The following TNXB variants were observed in gnomAD, a reference collection of about 807,000 sequenced individuals.
The protein encoded by TNXB is tenascin-X.
In TNXB, 183 loss-of-function variants were observed where a neutral mutation model predicts 340.5. The ratio of observed to expected loss-of-function variants is 0.54; its 90% CI spans 0.48 to 0.61. TNXB has a LOEUF of 0.61. Among genes scored for constraint, TNXB ranks in the 20% least tolerant of loss-of-function variants. The probability of loss-of-function intolerance (pLI) is 0.00; values close to 1 mark genes in which losing one functional copy is unlikely to be tolerated. For missense variants in TNXB, 4,613 were observed against 5,446.4 expected, an observed-to-expected ratio of 0.85 and a Z score of 4.82; for synonymous variants, 2,121 against 2,314.5, an observed-to-expected ratio of 0.92 and a Z score of 2.40.
Position 32,070,181 on chromosome 6 carries a change from A to G in TNXB, c.5224T>C (p.Tyr1742His). 6.2e-7 allele frequency: 1 copy of G among 1,609,716 alleles called. No homozygotes were observed. Among genetic ancestry groups the G allele is most frequent in the South Asian group, 1.1e-5 (1 of 90,518 alleles). ...TGGCGCTTCTTGCCCAGGAGGCCAT[A>G]GAGGAGGAATCTGTACTTGCGGCCG... ...DAGRKYRFLL[Y>H]GLLGKKRHGP... Residue 1742 changes from tyrosine to histidine, a missense_variant, in exon 14 of 44, where the codon TAT becomes CAT. By Grantham distance (83) the Tyr-to-His change is moderately conservative. Coordinates refer to ENST00000644971, the MANE Select transcript of TNXB (RefSeq NM_001365276.2). This position sits in a 1 kb window ranked among gnomAD's most constrained non-coding sequence, Gnocchi z 6.0.
In TNXB at chr6:32,042,317, A is replaced by G. The variant is rs1776475779; in HGVS notation, c.12256T>C (p.Trp4086Arg). The G allele has an allele frequency of 6.6e-7, 1 of 1,512,038 alleles. No homozygotes were observed. Among genetic ancestry groups the G allele is most frequent in the East Asian group, 2.3e-5 (1 of 43,496 alleles). 93.7% of individuals were successfully genotyped at this position (1,512,038 alleles called of 1,614,324 possible). A position where few individuals can be genotyped will look rare whatever the true frequency, so the allele number is the denominator to read the frequency against. The change falls in exon 41 of 44, where the codon TGG (tryptophan) becomes CGG (arginine). Residue 4086 changes from tryptophan (W) to arginine (R), a missense_variant. This residue lies in a region of TNXB where 121 missense variants were observed against 177.4 expected (regional missense o/e 0.68). Transcript: ENST00000644971. The stretch of plus-strand genomic sequence containing the variant: ...CCAAAACCATGGGCATAGTCCTCCC[A>G]GTCCCTCCAGAAGTCTGTCTGTCCA... ...MDGQTDFWRD[W>R]EDYAHGFGNI...
rs759175756 is a variant in TNXB at position 32,095,663 on chromosome 6, G to A, written c.2190C>T (p.His730=). 4 of 1,614,012 alleles carry A rather than the reference G, an allele frequency of 2.5e-6. No homozygotes were observed. Among genetic ancestry groups the A allele is most frequent in the South Asian group, 1.1e-5 (1 of 91,084 alleles). Residue 730 remains histidine, a synonymous_variant, in exon 3 of 44, where the codon CAC becomes CAT. Coordinates refer to ENST00000644971, the MANE Select transcript of TNXB (RefSeq NM_001365276.2). ...CATCTTTGCAGACACAGCTGCCATC[G>A]TGACACTCTCCTCGGCCACGGCAGT... ...PGDCRGRGEC[H]DGSCVCKDGY...
chr6:32,058,377 A>T lies in TNXB; in HGVS notation c.7506T>A (p.Asp2502Glu). Residue 2502 changes from aspartate to glutamate, a missense_variant, in exon 22 of 44, where the codon GAT becomes GAA. Physicochemically the swap from Asp to Glu is conservative, Grantham distance 45. This residue lies in a region of TNXB where 4,327 missense variants were observed against 4,859.4 expected (regional missense o/e 0.89). Coordinates refer to ENST00000644971, the MANE Select transcript of TNXB (RefSeq NM_001365276.2). This position sits in a 1 kb window ranked among gnomAD's most constrained non-coding sequence, Gnocchi z 5.1. The part of the protein sequence containing the change: ...STVGVTAPQE[D>E]VDETPSPTEP... ...CTGTAGGGCTGGGGGTCTCGTCCACATCCTCTTGTGGGGCTGAAAGGTAAT... is the reference window on the plus strand; with the variant it reads ...CTGTAGGGCTGGGGGTCTCGTCCACTTCCTCTTGTGGGGCTGAAAGGTAAT... The T allele has an allele frequency of 6.2e-7, 1 of 1,605,142 alleles. No homozygotes were observed. The highest frequency in any genetic ancestry group is 8.5e-7 in the Non-Finnish European group (1 of 1,176,082).
At position 32,082,100 on chromosome 6, in the gene TNXB, TCTGTA is replaced by T; in HGVS notation, c.3667_3671del (p.Tyr1223IlefsTer33). 1.2e-6 allele frequency: 2 copies of T among 1,610,800 alleles called. No homozygotes were observed. The highest frequency in any genetic ancestry group is 1.7e-6 in the Non-Finnish European group (2 of 1,178,802). ...TGTTCGCAATTCCAAACAGAGTGAA[TCTGTA>T]CTTGTGGTCAGGGTCCAGTGAGGAG... On this transcript the variant is annotated frameshift_variant, in exon 9 of 44. Transcript: ENST00000644971. LOFTEE classifies it high-confidence loss of function. This position sits in a 1 kb window ranked among gnomAD's most constrained non-coding sequence, Gnocchi z 5.0.
rs146399029 is a variant in TNXB, at chr6:32,082,080, G to A, written c.3692C>T (p.Ala1231Val). The A allele has an allele frequency of 8.1e-6, 13 of 1,608,896 alleles. No homozygotes were observed. Among genetic ancestry groups the A allele is most frequent in the East Asian group, 2.2e-5 (1 of 44,774 alleles). Residue 1231 changes from alanine to valine, a missense_variant, in exon 9 of 44, where the codon GCG becomes GTG. This residue lies in a region of TNXB where 4,327 missense variants were observed against 4,859.4 expected (regional missense o/e 0.89). Coordinates refer to ENST00000644971, the MANE Select transcript of TNXB (RefSeq NM_001365276.2). The surrounding 1 kb of genome is among the most constrained non-coding windows in gnomAD (Gnocchi z 5.0). ...GAGGGGGCCATACCGCTTCTTGTTC[G>A]CAATTCCAAACAGAGTGAATCTGTA... ...HKYRFTLFGIANKKRYGPLTA... is the reference protein window; with the variant it reads ...HKYRFTLFGIVNKKRYGPLTA...
In TNXB at chr6:32,047,354, A is replaced by G. The variant is rs1010317661; in HGVS notation, c.10324+380T>C. Among the ~76,000 whole-genome samples the G allele has an allele frequency of 5.3e-5, 8 of 152,066 alleles. No homozygotes were observed. Among genetic ancestry groups the G allele is most frequent in the African/African-American group, 1.7e-4 (7 of 41,408 alleles). On this transcript the variant is annotated intron_variant, in intron 30 of 43. Transcript: ENST00000644971. This position sits in a 1 kb window ranked among gnomAD's most constrained non-coding sequence, Gnocchi z 6.2. ...CCTTTTCTTCCACCCCTCGGCTCCG[A>G]GTCAGGGAGGAGGGAGGAGGATGGG...
rs1039341019 is a variant in TNXB at position 32,073,349 on chromosome 6, C to T, written c.4681+298G>A. On this transcript the variant is annotated intron_variant, in intron 12 of 43. Transcript: ENST00000644971. The surrounding 1 kb of genome is among the most constrained non-coding windows in gnomAD (Gnocchi z 4.6). ...AGGGGTGGAAACAGCTGTGGGCAGTCGGAGAGGGGGAGAGAAAGTCTGTGG... is the reference window on the plus strand; with the variant it reads ...AGGGGTGGAAACAGCTGTGGGCAGTTGGAGAGGGGGAGAGAAAGTCTGTGG... Among the ~76,000 whole-genome samples the T allele has an allele frequency of 2.6e-5, 4 of 152,008 alleles. No individual in the cohort carries two copies. The highest frequency in any genetic ancestry group is 7.3e-5 in the African/African-American group (3 of 41,356).
chr6:32,088,160 C>T (rs373379731), intron 6 of TNXB, among the ~76,000 whole-genome samples: 5 of 152,140 alleles, frequency 3.3e-5, no homozygotes, highest in South Asian at 2.1e-4. Flanking sequence ...GTCCCGCAGC[C>T]CCCCCATTCC....
intron 24 of TNXB, among the ~76,000 whole-genome samples, chr6:32,054,239 C>T (rs557082497): frequency 1.3e-5 from 2 of 152,274 alleles, no homozygotes; most frequent in South Asian, 4.1e-4. Flanking sequence ...CCAGGGCCAC[C>T]AACTGCCTAC....
Position 32,098,088 on chromosome 6 carries a change from G to A in TNXB, c.111C>T (p.Pro37=), listed in dbSNP as rs192521610. 6 of 1,604,510 alleles carry A rather than the reference G, an allele frequency of 3.7e-6. No individual in the cohort carries two copies. In the African/African-American group the frequency reaches 8.0e-5, roughly 21 times the overall value. Reference sequence around the variant, plus strand: ...GGCCCCCTGGCTGGGGAGGGGGCCGGGGGGCTGGCAGTGTCACATTGGACC... The same window carrying A: ...GGCCCCCTGGCTGGGGAGGGGGCCGAGGGGCTGGCAGTGTCACATTGGACC... ...SSRSNVTLPA[P]RPPPQPGGHT... The change falls in exon 2 of 44, where the codon CCC becomes CCT. Residue 37 remains proline, a synonymous_variant. Coordinates refer to ENST00000644971, the MANE Select transcript of TNXB (RefSeq NM_001365276.2).
In TNXB at chr6:32,095,072, T is replaced by G. The variant is rs1780253841; in HGVS notation, c.2358+4A>C. On this transcript the variant is annotated splice_donor_region_variant and intron_variant, in intron 4 of 43. Transcript: ENST00000644971. ...CCCCTCCTGGAGCCTGGCATCTCTC[T>G]CACCGTGGGGATGAACTGAATTTCA... 1 of 1,547,468 alleles carries G rather than the reference T, an allele frequency of 6.5e-7. No homozygotes were observed.
intron 4 of TNXB, 57 bp downstream of exon 4, chr6:32,095,019 C>T: frequency 1.4e-6 from 2 of 1,414,842 alleles, no homozygotes; most frequent in African/African-American, 2.8e-5. Flanking sequence ...AGGAGGTGAG[C>T]CCTGCCCCCC....
At position 32,090,113 on chromosome 6, in the gene TNXB, C is replaced by T. The variant is rs546004951; in HGVS notation, c.2359-734G>A. Among the ~76,000 whole-genome samples the T allele has an allele frequency of 8.3e-4, 126 of 152,270 alleles. 1 individual carries two copies. The highest frequency in any genetic ancestry group is 6.8e-3 in the Middle Eastern group (2 of 294). On this transcript the variant is annotated intron_variant, in intron 4 of 43. Transcript: ENST00000644971. This position sits in a 1 kb window ranked among gnomAD's most constrained non-coding sequence, Gnocchi z 4.3. The stretch of plus-strand genomic sequence containing the variant: ...AACAAGAACCACCTGCTCAAAGTTC[C>T]ACAAATATGTTTCCTGATTGTTGAT...
chr6:32,059,739 A>G (rs1777898806), intron 21 of TNXB, among the ~76,000 whole-genome samples: 1 of 152,008 alleles, frequency 6.6e-6, no homozygotes, highest in African/African-American at 2.4e-5. Flanking sequence ...CTCCCCCAGG[A>G]ATCGGGGATG....
Position 32,056,082 on chromosome 6 carries a change from C to A in TNXB, c.8236G>T (p.Gly2746Ter), listed in dbSNP as rs766635580. 8.7e-6 allele frequency: 14 copies of A among 1,612,670 alleles called. No homozygotes were observed. Among genetic ancestry groups the A allele is most frequent in the Non-Finnish European group, 1.2e-5 (14 of 1,179,872 alleles). Residue 2746 changes from glycine (G) to a stop codon, truncating the protein, a stop_gained, in exon 24 of 44, where the codon GGA (glycine) becomes TGA (stop). Transcript: ENST00000644971. LOFTEE classifies it high-confidence loss of function. ...AGGCTCAGCGAGTCAGGGGAGGATC[C>A]TGTCACTGTCAGCTCCCCCAGGAGC... is the stretch of plus-strand genomic sequence containing the variant. ...EPLLGELTVT[G>*]SSPDSLSLSW...
chr6:32,065,297 C>T (rs1013461366), intron 18 of TNXB, among the ~76,000 whole-genome samples, 180 bp from the exon 19 acceptor site: 1 of 152,118 alleles, frequency 6.6e-6, no homozygotes, highest in Non-Finnish European at 1.5e-5. Context: ...GCCAGGCAGC[C>T]TCCTACCTCA....
At position 32,058,093 on chromosome 6, in the gene TNXB, C is replaced by A; in HGVS notation, c.7790G>T (p.Arg2597Leu). The change falls in exon 22 of 44, where the codon CGG becomes CTG. Residue 2597 changes from arginine to leucine, a missense_variant. This residue lies in a region of TNXB where 4,327 missense variants were observed against 4,859.4 expected (regional missense o/e 0.89). Transcript: ENST00000644971. The surrounding 1 kb of genome is among the most constrained non-coding windows in gnomAD (Gnocchi z 5.1). ...CACGGCAGACACCGGGCCCAGGCGC[C>A]GCCCCTCGTGGAGGCCGTACAGGTG... ...KMHLYGLHEGRRLGPVSAVGV... is the reference protein window; with the variant it reads ...KMHLYGLHEGLRLGPVSAVGV... 6.2e-7 allele frequency: 1 copy of A among 1,611,316 alleles called. No individual in the cohort carries two copies.
chr6:32,062,735 T>G lies in TNXB; in HGVS notation c.6842-252A>C, dbSNP rs1275653344. 1.3e-5 allele frequency among the ~76,000 whole-genome samples: 2 copies of G among 152,216 alleles called. No individual in the cohort carries two copies. Among genetic ancestry groups the G allele is most frequent in the African/African-American group, 4.8e-5 (2 of 41,452 alleles). On this transcript the variant is annotated intron_variant, in intron 19 of 43. Transcript: ENST00000644971. This position sits in a 1 kb window ranked among gnomAD's most constrained non-coding sequence, Gnocchi z 4.3. ...TAGGAGCTGCCAAGCAAATTTGTTT[T>G]GCAGGACAGAATTGATGCTTTATAA... is the stretch of plus-strand genomic sequence containing the variant.
Position 32,049,604 on chromosome 6 carries a change from G to A in TNXB, c.9440-17C>T. 1 of 1,605,060 alleles carries A rather than the reference G, an allele frequency of 6.2e-7. No homozygotes were observed. The highest frequency in any genetic ancestry group is 8.5e-7 in the Non-Finnish European group (1 of 1,174,644). On this transcript the variant is annotated splice_polypyrimidine_tract_variant and intron_variant, in intron 27 of 43. Transcript: ENST00000644971. The surrounding 1 kb of genome is among the most constrained non-coding windows in gnomAD (Gnocchi z 4.5). ...TCTCTTCCTCTGCAGTGGAGAAGGA[G>A]GGAGAGAGAGTGAGGGGGATGTCCT...
Sources: allele counts gnomAD v4.1 joint callset (sites outside exome capture counted in the v4.1 genomes callset), GRCh38; gene constraint gnomAD v4.1.1; regional missense constraint gnomAD v4.1.1; non-coding constraint Gnocchi (gnomAD v3.1); transcripts MANE v1.5; gene names NCBI Gene and HGNC (gene_info 2026-07-23, HGNC 2026-07-21).